Variants in FGF12 observed in about 807,000 individuals in gnomAD.
The protein encoded by FGF12 is fibroblast growth factor 12B.
FGF12 carries 14 observed loss-of-function variants against 23.6 expected under a neutral mutation model. The ratio of observed to expected loss-of-function variants is 0.59; its 90% CI spans 0.39 to 0.93. The LOEUF (loss-of-function observed/expected upper bound fraction) is 0.93, where lower values mean the gene tolerates loss of function less well. Ranked by LOEUF, FGF12 falls within the 40% of genes least tolerant of loss-of-function variation. The pLI is 0.00. For missense variants in FGF12, 175 were observed against 217.8 expected, an observed-to-expected ratio of 0.80 and a Z score of 1.24; for synonymous variants, 62 against 77.3, an observed-to-expected ratio of 0.80 and a Z score of 1.04.
chr3:192,575,724 T>A (rs1712850066), intron 2 of FGF12, among the ~76,000 whole-genome samples: 2 of 152,156 alleles, frequency 1.3e-5, no homozygotes, highest in African/African-American at 4.8e-5. Flanking sequence ...GATTTTTTTT[T>A]AAAGATCTAT....
In FGF12 at chr3:192,525,626, A is replaced by AGAATGTG. The variant is rs1385100524; in HGVS notation, c.14-165095_14-165089dup. Among the ~76,000 whole-genome samples, 2 of 152,212 alleles carry AGAATGTG rather than the reference A, an allele frequency of 1.3e-5. 1 individual carries two copies. The highest frequency in any genetic ancestry group is 2.9e-5 in the Non-Finnish European group (2 of 68,038). ...ATCACCCCAAAACTTAAGTCCCTAA[A>AGAATGTG]GAATGTGGCTCTTCAGAAACTTTTC... On this transcript the variant is annotated intron_variant, in intron 2 of 5. Transcript: ENST00000445105.
At chr3:192,592,522 A>C (rs1713670614) in intron 2 of FGF12, among the ~76,000 whole-genome samples, 1 of 151,606 alleles carries the variant, frequency 6.6e-6, no homozygotes, top group African/African-American at 2.4e-5. Flanking sequence ...GGAAACTTTT[A>C]GTTGTTCACC....
chr3:192,540,016 T>C (rs956221629), intron 2 of FGF12, among the ~76,000 whole-genome samples: 2 of 152,048 alleles, frequency 1.3e-5, no homozygotes, highest in African/African-American at 4.8e-5. Flanking sequence ...ACCTCTGATT[T>C]TTTTGGGGTC....
intron 2 of FGF12, among the ~76,000 whole-genome samples, chr3:192,451,496 T>C (rs1722520111): frequency 2.0e-5 from 3 of 152,206 alleles, no homozygotes; most frequent in Admixed American, 2.0e-4. Flanking sequence ...GATGTCATTA[T>C]GACTATTGAG....
chr3:192,401,849 G>A (rs1226782218), intron 2 of FGF12, among the ~76,000 whole-genome samples: 1 of 152,122 alleles, frequency 6.6e-6, no homozygotes, highest in African/African-American at 2.4e-5. Flanking sequence ...CAATCTTCAT[G>A]CAAGTTGTTC....
intron 2 of FGF12, among the ~76,000 whole-genome samples, chr3:192,721,268 A>G (rs904234287): frequency 1.3e-5 from 2 of 152,164 alleles, no homozygotes; most frequent in Admixed American, 6.5e-5. Context: ...AGTTCTAAAT[A>G]CTTTATTAGC....
At chr3:192,390,989 G>C (rs1010339567) in intron 2 of FGF12, among the ~76,000 whole-genome samples, 1 of 152,182 alleles carries the variant, frequency 6.6e-6, no homozygotes, top group Non-Finnish European at 1.5e-5. Context: ...TATCTAGCAC[G>C]TAGTTGAAAA....
Position 192,211,278 on chromosome 3 carries a change from TGTG to T in FGF12, c.229-40625_229-40623del, listed in dbSNP as rs1717915241. On this transcript the variant is annotated intron_variant, in intron 4 of 5. Transcript: ENST00000445105. ...AAGAATCCAGGATGCTTTTGAGAGT[TGTG>T]GTGGTTTTTAAGCAACTAAAAGGGT... Among the ~76,000 whole-genome samples, 5 of 152,248 alleles carry T rather than the reference TGTG, an allele frequency of 3.3e-5. No homozygotes were observed. The South Asian group carries it at 1.0e-3, about 32-fold the overall frequency.
intron 5 of FGF12, among the ~76,000 whole-genome samples, chr3:192,167,049 A>T (rs867049177): frequency 2.0e-5 from 3 of 152,006 alleles, no homozygotes; most frequent in Middle Eastern, 3.2e-3. Context: ...AAATTAGGAA[A>T]TCAGAGATAT....
At position 192,170,667 on chromosome 3, in the gene FGF12, A is replaced by G. The variant is rs1182511382; in HGVS notation, c.229-11T>C. On this transcript the variant is annotated splice_polypyrimidine_tract_variant and intron_variant, in intron 4 of 5. Transcript: ENST00000445105. The stretch of plus-strand genomic sequence containing the variant: ...TGGAGTGAAAACATCCTGTAGGAAA[A>G]AAAAAAAAAGACACAAAAAAGAGAA... 3 of 1,558,620 alleles carry G rather than the reference A, an allele frequency of 1.9e-6. No homozygotes were observed. The highest frequency in any genetic ancestry group is 2.3e-5 in the East Asian group (1 of 43,418).
chr3:192,621,182 TGCATTTA>T (rs1434033203), intron 2 of FGF12, among the ~76,000 whole-genome samples: 1 of 152,164 alleles, frequency 6.6e-6, no homozygotes, highest in Non-Finnish European at 1.5e-5. Flanking sequence ...CTTTCCTGCC[TGCATTTA>T]GCTGGTTAAT....
chr3:192,159,994 A>C (rs1236853831), intron 5 of FGF12, among the ~76,000 whole-genome samples: 2 of 151,930 alleles, frequency 1.3e-5, no homozygotes, highest in East Asian at 3.9e-4. Flanking sequence ...ATTTCAGCAC[A>C]CAGACCCATT....
chr3:192,315,948 C>T (rs1342491333), intron 4 of FGF12, among the ~76,000 whole-genome samples: 1 of 152,138 alleles, frequency 6.6e-6, no homozygotes, highest in Non-Finnish European at 1.5e-5. Flanking sequence ...AAAAATGTAA[C>T]CCAAACCGAT....
chr3:192,447,146 A>G (rs1576987905), intron 2 of FGF12, among the ~76,000 whole-genome samples: 1 of 152,216 alleles, frequency 6.6e-6, no homozygotes, highest in Non-Finnish European at 1.5e-5. Context: ...GGGAAAGGAA[A>G]TCACAGCCAC....
At chr3:192,496,058 C>A (rs1723946629) in intron 2 of FGF12, among the ~76,000 whole-genome samples, 1 of 152,120 alleles carries the variant, frequency 6.6e-6, no homozygotes, top group South Asian at 2.1e-4. Context: ...GTAAATACTC[C>A]CCAAAGAAAC....
intron 2 of FGF12, among the ~76,000 whole-genome samples, chr3:192,703,194 G>A (rs968541841): frequency 2.0e-5 from 3 of 152,054 alleles, no homozygotes; most frequent in African/African-American, 7.2e-5. Context: ...AGTGGGTTGG[G>A]TTCCGGACAA....
intron 2 of FGF12, among the ~76,000 whole-genome samples, chr3:192,599,969 G>T (rs1714039110): frequency 6.6e-6 from 1 of 151,930 alleles, no homozygotes; most frequent in African/African-American, 2.4e-5. Flanking sequence ...TCCTGTGCCA[G>T]TGTCCTGAAT....
intron 2 of FGF12, among the ~76,000 whole-genome samples, chr3:192,506,290 C>A (rs1724292233): frequency 6.6e-6 from 1 of 152,228 alleles, no homozygotes; most frequent in African/African-American, 2.4e-5. Context: ...AAAGCCAGTG[C>A]CTGTTTAGCT....
intron 2 of FGF12, among the ~76,000 whole-genome samples, chr3:192,614,144 TA>T (rs1331752803): frequency 6.6e-6 from 1 of 151,994 alleles, no homozygotes; most frequent in Non-Finnish European, 1.5e-5. Flanking sequence ...TGTATATCCC[TA>T]CCACAGATCA....
Sources: allele counts gnomAD v4.1 joint callset (sites outside exome capture counted in the v4.1 genomes callset), GRCh38; gene constraint gnomAD v4.1.1; transcripts MANE v1.5; gene names NCBI Gene and HGNC (gene_info 2026-07-23, HGNC 2026-07-21).